KCNIP3: variants seen among roughly 807,000 people sequenced by gnomAD.
KCNIP3 encodes potassium voltage-gated channel interacting protein 3.
KCNIP3 carries 28 observed loss-of-function variants against 35.0 expected under a neutral mutation model. The ratio of observed to expected loss-of-function variants is 0.80; its 90% confidence interval spans 0.59 to 1.10. The LOEUF is 1.10. Among genes scored for constraint, KCNIP3 ranks in the 50% least tolerant of loss-of-function variants. KCNIP3 has a pLI of 0.00. For synonymous variants in KCNIP3, 134 were observed against 133.8 expected, an observed-to-expected ratio of 1.00 and a Z score of -0.01; for missense variants, 295 against 338.4, an observed-to-expected ratio of 0.87 and a Z score of 1.01.
chr2:95,336,950 AGTT>A (rs1679076081), intron 2 of KCNIP3, among the ~76,000 whole-genome samples: 1 of 152,094 alleles, frequency 6.6e-6, no homozygotes, highest in Admixed American at 6.6e-5. Context: ...ACATCGCTGC[AGTT>A]GTTCCTGCAA....
At chr2:95,345,808 C>A (rs1026918056) in intron 2 of KCNIP3, among the ~76,000 whole-genome samples, 1 of 152,266 alleles carries the variant, frequency 6.6e-6, no homozygotes, top group Non-Finnish European at 1.5e-5. Context: ...CTATTTTCTC[C>A]TTCCTTTTCG....
intron 2 of KCNIP3, among the ~76,000 whole-genome samples, chr2:95,317,520 G>T (rs1678486775): frequency 6.6e-6 from 1 of 152,142 alleles, no homozygotes; most frequent in African/African-American, 2.4e-5. Context: ...CTGCCCCGGG[G>T]CTCTGGGCTG....
Position 95,304,337 on chromosome 2 carries a change from C to T in KCNIP3, c.16-6018C>T, listed in dbSNP as rs544009447. 5.3e-5 allele frequency among the ~76,000 whole-genome samples: 8 copies of T among 152,362 alleles called. No homozygotes were observed. The South Asian group carries it at 1.7e-3, about 32-fold the overall frequency. On this transcript the variant is annotated intron_variant, in intron 1 of 8. Transcript: ENST00000295225. ...GAGCAGAAGTGGAAGGTAACCACCA[C>T]ATTGCCATGAAATAAGGCAGCAGCG...
intron 2 of KCNIP3, among the ~76,000 whole-genome samples, chr2:95,336,363 G>A (rs1437575558): frequency 3.9e-5 from 6 of 152,148 alleles, no homozygotes; most frequent in African/African-American, 9.7e-5. Flanking sequence ...GTGGTTCCAC[G>A]TCTCTGATCA....
intron 5 of KCNIP3, among the ~76,000 whole-genome samples, chr2:95,380,668 C>T (rs1192375685): frequency 6.6e-6 from 1 of 152,158 alleles, no homozygotes; most frequent in East Asian, 1.9e-4. Context: ...AGTAAAGTTT[C>T]CCATGCCAAA....
At chr2:95,325,983 C>T (rs181529792) in intron 2 of KCNIP3, among the ~76,000 whole-genome samples, 1 of 146,062 alleles carries the variant, frequency 6.8e-6, no homozygotes, top group African/African-American at 2.5e-5. Flanking sequence ...ACATACACTC[C>T]TACACACTCA....
intron 2 of KCNIP3, among the ~76,000 whole-genome samples, chr2:95,364,665 C>G (rs1418329752): frequency 6.6e-6 from 1 of 152,044 alleles, no homozygotes; most frequent in South Asian, 2.1e-4. Context: ...CATTAAAGAG[C>G]CTGGCACCTC....
At chr2:95,332,323 T>A (rs1169195240) in intron 2 of KCNIP3, among the ~76,000 whole-genome samples, 2 of 152,274 alleles carry the variant, frequency 1.3e-5, no homozygotes, top group African/African-American at 4.8e-5. Flanking sequence ...TTAAGGTTTA[T>A]ATAAGTCTGG....
At position 95,382,268 on chromosome 2, in the gene KCNIP3, G is replaced by A. The variant is rs1306107510; in HGVS notation, c.556-109G>A. On this transcript the variant is annotated intron_variant, in intron 6 of 8. Transcript: ENST00000295225. The surrounding 1 kb of genome is among the most constrained non-coding windows in gnomAD (Gnocchi z 4.5). ...CTCTCTCCAGCTCGTCCGGCCCCTC[G>A]CACTCACTGCCTTGGAGGTGCCCTG... The A allele has an allele frequency of 2.2e-5, 13 of 586,016 alleles. No homozygotes were observed. The highest frequency in any genetic ancestry group is 3.8e-5 in the African/African-American group (2 of 52,226). The allele number at this position is 586,016 out of a possible 1,614,324, so 36.3% of individuals were successfully genotyped here. A position where few individuals can be genotyped will look rare whatever the true frequency, so the allele number is the denominator to read the frequency against.
chr2:95,375,643 C>T (rs561728865), intron 5 of KCNIP3, among the ~76,000 whole-genome samples: 38 of 152,252 alleles, frequency 2.5e-4, no homozygotes, highest in Admixed American at 3.3e-4. Flanking sequence ...ACATCCCAGC[C>T]GGAGCAGCCT....
Position 95,297,428 on chromosome 2 carries a change from C to G in KCNIP3, c.-11C>G. 1 of 1,573,368 alleles carries G rather than the reference C, an allele frequency of 6.4e-7. No individual in the cohort carries two copies. The highest frequency in any genetic ancestry group is 8.6e-7 in the Non-Finnish European group (1 of 1,161,870). On this transcript the variant is annotated 5_prime_UTR_variant, in exon 1 of 9. Transcript: ENST00000295225. The stretch of plus-strand genomic sequence containing the variant: ...TGGGGAGGCTGGCAACAGTTTTCTT[C>G]AGCGCCCAGGATGCAGCCGGCTAAG...
intron 1 of KCNIP3, among the ~76,000 whole-genome samples, chr2:95,302,127 G>A (rs1022276253): frequency 6.6e-6 from 1 of 151,960 alleles, no homozygotes; most frequent in African/African-American, 2.4e-5. Flanking sequence ...GATGGAAATA[G>A]AGCCAGTGAC....
intron 5 of KCNIP3, among the ~76,000 whole-genome samples, chr2:95,379,440 A>C (rs910997344): frequency 7.0e-6 from 1 of 142,666 alleles, no homozygotes; most frequent in African/African-American, 2.7e-5. Flanking sequence ...CCAGCCTCCC[A>C]CAGCTCCATC....
At chr2:95,333,840 C>A (rs1678991874) in intron 2 of KCNIP3, among the ~76,000 whole-genome samples, 1 of 152,172 alleles carries the variant, frequency 6.6e-6, no homozygotes, top group Non-Finnish European at 1.5e-5. Context: ...GCGTCTCACT[C>A]CTGCCCAGCA....
chr2:95,352,065 C>T (rs1209895524), intron 2 of KCNIP3, among the ~76,000 whole-genome samples: 2 of 152,110 alleles, frequency 1.3e-5, no homozygotes, highest in East Asian at 1.9e-4. Context: ...GAGTTCAAGA[C>T]CAGCCTGGCC....
rs1344996745 is a variant in KCNIP3, at chr2:95,378,817, C to T, written c.448-2779C>T. ...ACACATATATATATATACACACACA[C>T]ACACATATATACACACATATTTATA... On this transcript the variant is annotated intron_variant, in intron 5 of 8. Coordinates refer to ENST00000295225, the MANE Select transcript of KCNIP3 (RefSeq NM_013434.5). This position sits in a 1 kb window ranked among gnomAD's most constrained non-coding sequence, Gnocchi z 4.0. Among the ~76,000 whole-genome samples the T allele has an allele frequency of 2.0e-5, 3 of 151,468 alleles. No individual in the cohort carries two copies. Among genetic ancestry groups the T allele is most frequent in the Non-Finnish European group, 4.4e-5 (3 of 67,912 alleles).
At chr2:95,298,477 G>A (rs771875286) in intron 1 of KCNIP3, among the ~76,000 whole-genome samples, 5 of 151,878 alleles carry the variant, frequency 3.3e-5, no homozygotes, top group Non-Finnish European at 7.4e-5. Context: ...AAGAAAGAAG[G>A]GCAAAAGGAC....
intron 2 of KCNIP3, among the ~76,000 whole-genome samples, chr2:95,339,378 G>A (rs1449266947): frequency 6.6e-6 from 1 of 152,038 alleles, no homozygotes; most frequent in Non-Finnish European, 1.5e-5. Context: ...TCAGGAGATC[G>A]AGACCAGCCT....
At chr2:95,353,583 C>G (rs1679580833) in intron 2 of KCNIP3, among the ~76,000 whole-genome samples, 1 of 152,158 alleles carries the variant, frequency 6.6e-6, no homozygotes, top group African/African-American at 2.4e-5. Flanking sequence ...ATAATACCTC[C>G]CAGTATCCAC....
Sources: gnomAD v4.1 joint callset for allele counts (sites outside exome capture counted in the v4.1 genomes callset) on GRCh38, gnomAD v4.1.1 for gene constraint, Gnocchi (gnomAD v3.1) non-coding constraint, MANE v1.5 for transcripts, NCBI Gene and HGNC (gene_info 2026-07-23, HGNC 2026-07-21) for gene names.